The following NEK9 variants were observed in gnomAD, a reference collection of about 807,000 sequenced individuals.
The protein encoded by NEK9 is NIMA related kinase 9, also known as serine/threonine-protein kinase Nek9.
NEK9 carries 75 observed loss-of-function variants against 123.4 expected under a neutral mutation model. That is an observed-to-expected ratio of 0.61 (90% CI 0.50 to 0.74). NEK9 has a LOEUF of 0.74. Ranked by LOEUF, NEK9 falls within the 30% of genes least tolerant of loss-of-function variation. The pLI, the probability that NEK9 is intolerant of heterozygous loss-of-function variation, is 0.00. For missense variants in NEK9, 952 were observed against 1,214.4 expected (o/e 0.78, Z 3.21); for synonymous variants, 438 against 458.7 (o/e 0.95, Z 0.58).
chr14:75,106,361 GAA>G (rs34426692), intron 12 of NEK9, 139 bp downstream of exon 12: 27,872 of 288,682 alleles, frequency 0.097, no homozygotes, highest in South Asian at 0.11. Flanking sequence ...TCTGTCTCGA[GAA>G]AAAAAAAAAA....
At chr14:75,096,960 T>G (rs903383823) in intron 17 of NEK9, 140 bp downstream of exon 17, 3 of 598,966 alleles carry the variant, frequency 5.0e-6, no homozygotes, top group African/African-American at 1.9e-5. Context: ...CCACTAGGCA[T>G]GGCATCCTTG....
Position 75,084,683 on chromosome 14 carries a change from C to T in NEK9, c.2821G>A (p.Gly941Arg). ...GTCTGAGTTCCTTTGGAATGCATCCCCACCTGTCCGGATAAAACACGGTTC... is the reference window on the plus strand; with the variant it reads ...GTCTGAGTTCCTTTGGAATGCATCCTCACCTGTCCGGATAAAACACGGTTC... ...NKKLEGGQQV[G>R]MHSKGTQTAK... The change falls in exon 22 of 22, where the codon GGG becomes AGG. Residue 941 changes from glycine (G) to arginine (R), a missense_variant. Coordinates refer to ENST00000238616, the MANE Select transcript of NEK9 (RefSeq NM_033116.6). 1 of 1,614,028 alleles carries T rather than the reference C, an allele frequency of 6.2e-7. No individual in the cohort carries two copies. The highest frequency in any genetic ancestry group is 8.5e-7 in the Non-Finnish European group (1 of 1,179,968).
At chr14:75,118,308 A>G (rs1384429070) in intron 5 of NEK9, among the ~76,000 whole-genome samples, 2 of 152,232 alleles carry the variant, frequency 1.3e-5, no homozygotes, top group Non-Finnish European at 2.9e-5. Context: ...TCCTAAAAGG[A>G]TAAGATTACT....
intron 7 of NEK9, among the ~76,000 whole-genome samples, 172 bp from the exon 8 acceptor site, chr14:75,113,575 G>A (rs1337289997): frequency 1.3e-5 from 2 of 152,188 alleles, no homozygotes; most frequent in Non-Finnish European, 2.9e-5. Context: ...ACTTGTACAT[G>A]AAGGAGAATG....
chr14:75,094,087 G>A (rs905443093), intron 18 of NEK9, among the ~76,000 whole-genome samples: 5 of 152,124 alleles, frequency 3.3e-5, no homozygotes, highest in Admixed American at 6.5e-5. Flanking sequence ...TGTGCTTAGC[G>A]AAAGATCTTC....
Position 75,101,703 on chromosome 14 carries a change from C to A in NEK9, c.1794G>T (p.Lys598Asn). ...FTLAKQLSFYKIRTIAPGKTH... is the reference protein window; with the variant it reads ...FTLAKQLSFYNIRTIAPGKTH... ...TCTTGCCTGGGGCAATGGTACGGAT[C>A]TTATAAAAGGACAACTGTTTGGCCA... The change falls in exon 15 of 22, where the codon AAG (lysine) becomes AAT (asparagine). Residue 598 changes from lysine to asparagine, a missense_variant. Transcript: ENST00000238616. 1 of 1,614,048 alleles carries A rather than the reference C, an allele frequency of 6.2e-7. No individual in the cohort carries two copies. The highest frequency in any genetic ancestry group is 8.5e-7 in the Non-Finnish European group (1 of 1,179,942).
chr14:75,117,603 G>A (rs1245431258), intron 5 of NEK9, among the ~76,000 whole-genome samples: 2 of 152,108 alleles, frequency 1.3e-5, no homozygotes, highest in Admixed American at 1.3e-4. Context: ...GATCACAGAG[G>A]CTTCAGGCAT....
At chr14:75,127,160 G>T, upstream of NEK9, 1 of 462,422 alleles carries the variant, frequency 2.2e-6, no homozygotes. Context: ...TCCCGCTTTC[G>T]GGGAAGGCCT....
Position 75,101,731 on chromosome 14 carries a change from G to A in NEK9, c.1766C>T (p.Thr589Ile), listed in dbSNP as rs201240335. ...YHEVPYTTSF[T>I]LAKQLSFYKI... Reference sequence around the variant, plus strand: ...ATAAAAGGACAACTGTTTGGCCAAGGTAAAGGACGTTGTGTAGGGAACTTC... The same window carrying A: ...ATAAAAGGACAACTGTTTGGCCAAGATAAAGGACGTTGTGTAGGGAACTTC... Residue 589 changes from threonine (T) to isoleucine (I), a missense_variant, in exon 15 of 22, where the codon ACC becomes ATC. Thr to Ile is a moderately conservative substitution (Grantham distance 89). Around this residue, in one of 4 missense-constraint regions of NEK9, gnomAD observed 698 missense variants for 875.6 expected, o/e 0.80. Coordinates refer to ENST00000238616, the MANE Select transcript of NEK9 (RefSeq NM_033116.6). 2.7e-5 allele frequency: 44 copies of A among 1,614,048 alleles called. No individual in the cohort carries two copies. Among genetic ancestry groups the A allele is most frequent in the South Asian group, 2.2e-4 (20 of 91,070 alleles).
intron 2 of NEK9, among the ~76,000 whole-genome samples, chr14:75,123,592 G>A (rs1895414682): frequency 6.6e-6 from 1 of 151,988 alleles, no homozygotes; most frequent in South Asian, 2.1e-4. Flanking sequence ...CAGATAAATA[G>A]GGCCATGCTT....
At position 75,117,038 on chromosome 14, in the gene NEK9, G is replaced by C. The variant is rs553037101; in HGVS notation, c.762+157C>G. The stretch of plus-strand genomic sequence containing the variant: ...AGGCGTGAGCCACTGCGCCTGGCTG[G>C]GTCTATAGCATTTTAGTAATAGATT... On this transcript the variant is annotated intron_variant, in intron 6 of 21. Transcript: ENST00000238616. Among the ~76,000 whole-genome samples the C allele has an allele frequency of 1.1e-4, 17 of 152,210 alleles. 1 individual carries two copies. The highest frequency in any genetic ancestry group is 6.8e-3 in the Middle Eastern group (2 of 294).
chr14:75,102,958 C>T (rs1339389635), intron 14 of NEK9, among the ~76,000 whole-genome samples: 1 of 152,020 alleles, frequency 6.6e-6, no homozygotes, highest in East Asian at 1.9e-4. Flanking sequence ...AAATCAAACA[C>T]CGCATGTTCT....
In NEK9 at chr14:75,088,048, A is replaced by G. The variant is rs189005586; in HGVS notation, c.2604+432T>C. ...AAATAATTATGTAGCCTTTTATAGA[A>G]AAAGTTTCATGACCTTGGATTATAG... is the stretch of plus-strand genomic sequence containing the variant. On this transcript the variant is annotated intron_variant, in intron 20 of 21. Transcript: ENST00000238616. Among the ~76,000 whole-genome samples, 25 of 152,368 alleles carry G rather than the reference A, an allele frequency of 1.6e-4. No homozygotes were observed. In the East Asian group the frequency reaches 4.6e-3, roughly 28 times the overall value.
intron 14 of NEK9, 33 bp from the exon 15 acceptor site, chr14:75,101,798 G>T: frequency 6.7e-7 from 1 of 1,487,334 alleles, no homozygotes; most frequent in Non-Finnish European, 9.4e-7. Flanking sequence ...GCAGATGCAT[G>T]AGGTAAGAAA....
At chr14:75,098,449 T>C (rs1894460443) in intron 16 of NEK9, among the ~76,000 whole-genome samples, 1 of 152,104 alleles carries the variant, frequency 6.6e-6, no homozygotes, top group Admixed American at 6.5e-5. Context: ...GTTGAGGAGC[T>C]GTTGAATAAA....
intron 16 of NEK9, among the ~76,000 whole-genome samples, chr14:75,099,480 C>T (rs1894490361): frequency 6.6e-6 from 1 of 151,998 alleles, no homozygotes; most frequent in South Asian, 2.1e-4. Flanking sequence ...GCAACAGCAG[C>T]AGTACAGAAG....
intron 1 of NEK9, among the ~76,000 whole-genome samples, chr14:75,124,938 ATTT>A (rs34243579): frequency 2.2e-5 from 3 of 139,444 alleles, no homozygotes; most frequent in Non-Finnish European, 3.1e-5. Flanking sequence ...ACTCAGCTAA[ATTT>A]TTTTTTTTTT....
chr14:75,090,398 C>T (rs1023249066), intron 19 of NEK9, among the ~76,000 whole-genome samples: 1 of 151,656 alleles, frequency 6.6e-6, no homozygotes, highest in Admixed American at 6.6e-5. Flanking sequence ...AATTCCATCA[C>T]TTACAGACAA....
chr14:75,084,920 C>T (rs1893974009), intron 21 of NEK9: 1 of 420,864 alleles, frequency 2.4e-6, no homozygotes, highest in South Asian at 3.3e-5. Flanking sequence ...TGCGGGGTTT[C>T]CTGGGATGCA....
Sources: allele counts gnomAD v4.1 joint callset (sites outside exome capture counted in the v4.1 genomes callset), GRCh38; gene constraint gnomAD v4.1.1; regional missense constraint gnomAD v4.1.1; transcripts MANE v1.5; gene names NCBI Gene and HGNC (gene_info 2026-07-23, HGNC 2026-07-21).